Variants in SEMA6D observed in about 807,000 individuals in gnomAD.
SEMA6D encodes the protein semaphorin-6D.
In SEMA6D, 35 loss-of-function variants were observed where a neutral mutation model predicts 106.6. The observed-to-expected ratio is 0.33, with a 90% CI of 0.25 to 0.44. The LOEUF (loss-of-function observed/expected upper bound fraction) is 0.44, where lower values mean the gene tolerates loss of function less well. Ranked by LOEUF, SEMA6D falls within the 20% of genes least tolerant of loss-of-function variation. The pLI, the probability that SEMA6D is intolerant of heterozygous loss-of-function variation, is 1.00. For missense variants in SEMA6D, 1,185 were observed against 1,345.9 expected, an observed-to-expected ratio of 0.88 and a Z score of 1.87; for synonymous variants, 499 against 487.7, an observed-to-expected ratio of 1.02 and a Z score of -0.31.
In SEMA6D at chr15:47,770,514, C is replaced by T; in HGVS notation, c.1951C>T (p.Gln651Ter). Residue 651 changes from glutamine (Q) to a stop codon, truncating the protein, a stop_gained, in exon 19 of 19, where the codon CAG becomes TAG. Transcript: ENST00000536845. LOFTEE classifies it high-confidence loss of function. ...TATTTCAGGTGTACGATGGGAAGTC[C>T]AGTCTGGAGAGTCCAACCAGATGGT... ...GIPKGVRWEV[Q>*]SGESNQMVHM... 1 of 1,591,916 alleles carries T rather than the reference C, an allele frequency of 6.3e-7. No homozygotes were observed. The highest frequency in any genetic ancestry group is 8.6e-7 in the Non-Finnish European group (1 of 1,163,800).
At chr15:47,660,098 G>C (rs1337575315) in intron 4 of SEMA6D, among the ~76,000 whole-genome samples, 1 of 149,974 alleles carries the variant, frequency 6.7e-6, no homozygotes, top group Non-Finnish European at 1.5e-5. Context: ...GACAAAGTAA[G>C]AATATTAACA....
chr15:47,288,637 T>C (rs774094787), intron 1 of SEMA6D, among the ~76,000 whole-genome samples: 2 of 152,140 alleles, frequency 1.3e-5, no homozygotes, highest in Non-Finnish European at 2.9e-5. Flanking sequence ...AGTGAATGAA[T>C]GCATGAATTC....
chr15:47,608,895 A>C (rs2076835515), intron 4 of SEMA6D, among the ~76,000 whole-genome samples: 1 of 145,260 alleles, frequency 6.9e-6, no homozygotes, highest in Non-Finnish European at 1.5e-5. Flanking sequence ...TAAATTATAC[A>C]AAAATAAGCA....
At position 47,541,915 on chromosome 15, in the gene SEMA6D, C is replaced by T. The variant is rs909018342; in HGVS notation, c.-86-58950C>T. Reference sequence around the variant, plus strand: ...ATCAGAGCTGTTTCCCAAACAGAGTCGGAATGGTTATTTCCCCATTTGCAG... The same window carrying T: ...ATCAGAGCTGTTTCCCAAACAGAGTTGGAATGGTTATTTCCCCATTTGCAG... On this transcript the variant is annotated intron_variant, in intron 3 of 19. Coordinates refer to the SEMA6D transcript ENST00000558014. Among the ~76,000 whole-genome samples, 8 of 152,134 alleles carry T rather than the reference C, an allele frequency of 5.3e-5. No homozygotes were observed. The East Asian group carries it at 1.2e-3, about 22-fold the overall frequency.
intron 1 of SEMA6D, among the ~76,000 whole-genome samples, chr15:47,401,027 G>A (rs1454121914): frequency 2.6e-5 from 4 of 152,088 alleles, no homozygotes; most frequent in African/African-American, 7.2e-5. Context: ...TTATACCTTC[G>A]TTTTCCCATC....
At chr15:47,658,254 C>G (rs1025858031) in intron 4 of SEMA6D, among the ~76,000 whole-genome samples, 14 of 152,032 alleles carry the variant, frequency 9.2e-5, no homozygotes, top group African/African-American at 3.4e-4. Flanking sequence ...CTTTGAACAA[C>G]AGAAGTAACT....
At chr15:47,572,330 A>G (rs1056115212) in intron 3 of SEMA6D, among the ~76,000 whole-genome samples, 1 of 152,240 alleles carries the variant, frequency 6.6e-6, no homozygotes. Flanking sequence ...TTTGTGTATT[A>G]GTCTTTGTGA....
chr15:47,404,073 A>G (rs549939024), intron 1 of SEMA6D, among the ~76,000 whole-genome samples: 1 of 152,362 alleles, frequency 6.6e-6, no homozygotes, highest in African/African-American at 2.4e-5. Flanking sequence ...CTCCTGAGAA[A>G]GAAAACATGC....
chr15:47,599,437 G>A (rs1005172985), intron 3 of SEMA6D, among the ~76,000 whole-genome samples: 1 of 119,630 alleles, frequency 8.4e-6, no homozygotes, highest in Non-Finnish European at 1.7e-5. Context: ...ATGGGGAAAG[G>A]TCTGCCTTAC....
At chr15:47,531,298 A>G (rs1596254906) in intron 3 of SEMA6D, among the ~76,000 whole-genome samples, 1 of 152,238 alleles carries the variant, frequency 6.6e-6, no homozygotes. Context: ...ATTGTGGTTT[A>G]AAGTGCAAAG....
chr15:47,569,104 C>A (rs1344482842), intron 3 of SEMA6D, among the ~76,000 whole-genome samples: 1 of 152,056 alleles, frequency 6.6e-6, no homozygotes, highest in Non-Finnish European at 1.5e-5. Flanking sequence ...GATCTGTTTT[C>A]ATGTTGGACC....
chr15:47,692,530 C>G (rs1192582500), intron 4 of SEMA6D, among the ~76,000 whole-genome samples: 1 of 152,166 alleles, frequency 6.6e-6, no homozygotes, highest in African/African-American at 2.4e-5. Flanking sequence ...CAGAGTGAAG[C>G]TGTAAAAACA....
At chr15:47,371,793 T>C (rs542092335) in intron 1 of SEMA6D, among the ~76,000 whole-genome samples, 14 of 152,340 alleles carry the variant, frequency 9.2e-5, no homozygotes, top group South Asian at 8.3e-4. Flanking sequence ...CATTTGATGA[T>C]GATGATCATC....
intron 4 of SEMA6D, among the ~76,000 whole-genome samples, chr15:47,687,168 G>C (rs1310924983): frequency 1.3e-5 from 2 of 151,814 alleles, no homozygotes; most frequent in African/African-American, 4.8e-5. Context: ...AGGTTTTGTA[G>C]AGATAAAATG....
intron 2 of SEMA6D, among the ~76,000 whole-genome samples, chr15:47,445,038 G>T (rs2041989080): frequency 6.6e-6 from 1 of 152,054 alleles, no homozygotes; most frequent in Non-Finnish European, 1.5e-5. Flanking sequence ...CCTGGGGTTT[G>T]GCCATCCAGC....
At chr15:47,207,993 G>GCACACACACACACACACACACA in intron 1 of SEMA6D, among the ~76,000 whole-genome samples, 1 of 89,398 alleles carries the variant, frequency 1.1e-5, no homozygotes, top group Non-Finnish European at 2.3e-5. Context: ...TGGCGCGCGC[G>GCACACACACACACACACACACA]CACACACACA....
At chr15:47,389,143 A>G (rs1007820939) in intron 1 of SEMA6D, among the ~76,000 whole-genome samples, 2 of 152,208 alleles carry the variant, frequency 1.3e-5, no homozygotes, top group African/African-American at 4.8e-5. Context: ...CTTAGAAGCA[A>G]CTTAGCTTCT....
chr15:47,221,188 G>A (rs1282347961), intron 1 of SEMA6D, among the ~76,000 whole-genome samples: 1 of 152,128 alleles, frequency 6.6e-6, no homozygotes, highest in African/African-American at 2.4e-5. Context: ...AAAAGAACAG[G>A]AGGAAAATAG....
intron 4 of SEMA6D, among the ~76,000 whole-genome samples, chr15:47,640,751 C>T (rs1406156298): frequency 6.6e-6 from 1 of 151,932 alleles, no homozygotes; most frequent in Non-Finnish European, 1.5e-5. Flanking sequence ...CTTAAGTCAG[C>T]GTTAACTAGT....
Sources: gnomAD v4.1 joint callset for allele counts (sites outside exome capture counted in the v4.1 genomes callset) on GRCh38, gnomAD v4.1.1 for gene constraint, MANE v1.5 for transcripts, NCBI Gene and HGNC (gene_info 2026-07-23, HGNC 2026-07-21) for gene names.